The following DNM3 variants were observed in gnomAD, a reference collection of about 807,000 sequenced individuals.
DNM3 encodes the protein dynamin-3.
DNM3 carries 47 observed loss-of-function variants against 101.6 expected under a neutral mutation model. The ratio of observed to expected loss-of-function variants is 0.46; its 90% CI spans 0.37 to 0.59. The LOEUF (loss-of-function observed/expected upper bound fraction) is 0.59. Ranked by LOEUF, DNM3 falls within the 20% of genes least tolerant of loss-of-function variation. The probability of loss-of-function intolerance (pLI) is 0.00; values close to 1 mark genes in which losing one functional copy is unlikely to be tolerated. For synonymous variants in DNM3, 385 were observed against 387.9 expected (o/e 0.99, Z 0.09); for missense variants, 849 against 1,085.7 (o/e 0.78, Z 3.06).
intron 4 of DNM3, among the ~76,000 whole-genome samples, chr1:172,000,823 C>G (rs1403121128): frequency 6.6e-6 from 1 of 151,992 alleles, no homozygotes; most frequent in Non-Finnish European, 1.5e-5. Context: ...GAATTATAGA[C>G]AGCTCTTCAA....
At chr1:171,892,172 TGC>T (rs1491373342) in intron 1 of DNM3, among the ~76,000 whole-genome samples, 1 of 150,362 alleles carries the variant, frequency 6.7e-6, no homozygotes, top group Non-Finnish European at 1.5e-5. Context: ...TGTGTGTGTG[TGC>T]GTGTGTGTGT....
intron 17 of DNM3, among the ~76,000 whole-genome samples, chr1:172,373,466 C>A (rs1286726992): frequency 1.3e-5 from 2 of 152,082 alleles, no homozygotes; most frequent in African/African-American, 2.4e-5. Context: ...GCACTCAGGA[C>A]AATCTGATAC....
At chr1:171,860,829 ACT>A (rs2034098973) in intron 1 of DNM3, among the ~76,000 whole-genome samples, 1 of 151,012 alleles carries the variant, frequency 6.6e-6, no homozygotes, top group Non-Finnish European at 1.5e-5. Context: ...TGAAAAAACG[ACT>A]CTCAAGTTTT....
chr1:171,876,119 A>C (rs1307143291), intron 1 of DNM3, among the ~76,000 whole-genome samples: 1 of 152,120 alleles, frequency 6.6e-6, no homozygotes, highest in Non-Finnish European at 1.5e-5. Context: ...AAAAAGAGTT[A>C]TCTTTTAAAG....
At chr1:172,105,236 A>G (rs898887358) in intron 13 of DNM3, among the ~76,000 whole-genome samples, 2 of 152,234 alleles carry the variant, frequency 1.3e-5, no homozygotes, top group Admixed American at 6.5e-5. Flanking sequence ...AGTTTACTCT[A>G]TGGCTAGGTA....
chr1:171,975,250 G>A (rs113314492), intron 2 of DNM3, among the ~76,000 whole-genome samples: 9 of 152,236 alleles, frequency 5.9e-5, no homozygotes, highest in Admixed American at 2.6e-4. Context: ...AAGCAAAAGC[G>A]TCTTATCAGA....
chr1:172,291,725 T>C (rs1263770229), intron 15 of DNM3, among the ~76,000 whole-genome samples: 2 of 152,094 alleles, frequency 1.3e-5, no homozygotes, highest in Non-Finnish European at 2.9e-5. Context: ...CATTTGATAG[T>C]TGTAGTTATA....
chr1:172,022,731 A>G (rs2047932507), intron 4 of DNM3, among the ~76,000 whole-genome samples: 2 of 151,864 alleles, frequency 1.3e-5, no homozygotes, highest in South Asian at 4.2e-4. Context: ...TTTCTATGTA[A>G]TCTGTTTATA....
chr1:172,152,348 C>T (rs1046276928), intron 14 of DNM3, among the ~76,000 whole-genome samples: 5 of 151,426 alleles, frequency 3.3e-5, no homozygotes, highest in Non-Finnish European at 7.4e-5. Flanking sequence ...AGTTGAGTCC[C>T]TCATTCTTTT....
chr1:172,067,004 T>C (rs1315663217), intron 10 of DNM3, among the ~76,000 whole-genome samples: 1 of 151,938 alleles, frequency 6.6e-6, no homozygotes, highest in East Asian at 1.9e-4. Context: ...GTGCAAGACT[T>C]TTGATACATA....
intron 4 of DNM3, among the ~76,000 whole-genome samples, chr1:171,996,732 A>G (rs1558394527): frequency 6.6e-6 from 1 of 152,140 alleles, no homozygotes; most frequent in Non-Finnish European, 1.5e-5. Flanking sequence ...ATAAATTATT[A>G]TAAAGATAAT....
intron 2 of DNM3, among the ~76,000 whole-genome samples, chr1:171,929,089 G>A (rs1156671763): frequency 6.6e-6 from 1 of 152,170 alleles, no homozygotes; most frequent in African/African-American, 2.4e-5. Flanking sequence ...GCTTAGAAAA[G>A]CGGTCTGGCT....
intron 17 of DNM3, among the ~76,000 whole-genome samples, chr1:172,361,580 A>G (rs1445136616): frequency 6.6e-6 from 1 of 151,936 alleles, no homozygotes; most frequent in African/African-American, 2.4e-5. Flanking sequence ...ACCCCAGACC[A>G]ATTAAATCAT....
intron 15 of DNM3, among the ~76,000 whole-genome samples, chr1:172,277,276 T>G (rs906284839): frequency 1.3e-5 from 2 of 152,102 alleles, no homozygotes; most frequent in Non-Finnish European, 2.9e-5. Context: ...AGAAATACTT[T>G]GCAAAAACTC....
chr1:172,190,018 T>G (rs982250344), intron 14 of DNM3, among the ~76,000 whole-genome samples: 1 of 151,632 alleles, frequency 6.6e-6, no homozygotes, highest in African/African-American at 2.4e-5. Flanking sequence ...TTTCTTTTTT[T>G]TTTTTTTTTT....
At chr1:172,148,024 G>C (rs1300485925) in intron 14 of DNM3, among the ~76,000 whole-genome samples, 2 of 151,994 alleles carry the variant, frequency 1.3e-5, no homozygotes, top group Non-Finnish European at 2.9e-5. Flanking sequence ...TTAAAGCTCA[G>C]AGAGCTTAAA....
chr1:172,320,647 T>G (rs1356366753), intron 16 of DNM3, among the ~76,000 whole-genome samples: 1 of 152,200 alleles, frequency 6.6e-6, no homozygotes, highest in Non-Finnish European at 1.5e-5. Context: ...ATTACTTCCC[T>G]TCTCTTAGGA....
In DNM3 at chr1:172,365,326, G is replaced by C. The variant is rs186813045; in HGVS notation, c.1894-13692G>C. On this transcript the variant is annotated intron_variant, in intron 17 of 20. Transcript: ENST00000627582. ...GTATAGACGGAACAAGGTTGGCCAT[G>C]TGGTGAATTGTTGAAGTTGAGTAAC... Among the ~76,000 whole-genome samples, 5 of 152,044 alleles carry C rather than the reference G, an allele frequency of 3.3e-5. No individual in the cohort carries two copies. In the East Asian group the frequency reaches 9.7e-4, roughly 30 times the overall value.
chr1:172,213,552 C>T (rs187786930), intron 14 of DNM3, among the ~76,000 whole-genome samples: 47 of 144,960 alleles, frequency 3.2e-4, no homozygotes, highest in African/African-American at 1.1e-3. Context: ...TATTGGTGGC[C>T]GGGCATAGTG....
Sources: gnomAD v4.1 joint callset for allele counts (sites outside exome capture counted in the v4.1 genomes callset) on GRCh38, gnomAD v4.1.1 for gene constraint, MANE v1.5 for transcripts, NCBI Gene and HGNC (gene_info 2026-07-23, HGNC 2026-07-21) for gene names.